The following ANTXR1 variants were observed in gnomAD, a reference collection of about 807,000 sequenced individuals.
ANTXR1 encodes anthrax toxin receptor 1.
Under a neutral mutation model 78.1 loss-of-function variants are expected in ANTXR1, and 19 were observed. The ratio of observed to expected loss-of-function variants is 0.24; its 90% confidence interval spans 0.17 to 0.36. The LOEUF is 0.36. ANTXR1 is among the 10% of genes least tolerant of loss of function. The probability of loss-of-function intolerance (pLI) is 1.00; values close to 1 mark genes in which losing one functional copy is unlikely to be tolerated. For synonymous variants in ANTXR1, 273 were observed against 260.5 expected (o/e 1.05, Z -0.46); for missense variants, 518 against 718.6 (o/e 0.72, Z 3.19).
Position 69,181,789 on chromosome 2 carries a change from G to A in ANTXR1, c.1093G>A (p.Glu365Lys). ...PPPPAEESEEEDDDGLPKKKW... is the reference protein window; with the variant it reads ...PPPPAEESEEKDDDGLPKKKW... ...ATGTGCCACAATTTCTCTGCAGGAA[G>A]AAGATGATGATGGTCTGCCTAAGAA... Residue 365 changes from glutamate to lysine, a missense_variant, in exon 15 of 18, where the codon GAA (glutamate) becomes AAA (lysine). Glu to Lys is a moderately conservative substitution (Grantham distance 56). Coordinates refer to ENST00000303714, the MANE Select transcript of ANTXR1 (RefSeq NM_032208.3). The A allele has an allele frequency of 1.2e-6, 2 of 1,614,122 alleles. No homozygotes were observed. The highest frequency in any genetic ancestry group is 1.1e-5 in the South Asian group (1 of 91,082).
At chr2:69,136,307 A>G (rs1230375138) in intron 12 of ANTXR1, among the ~76,000 whole-genome samples, 1 of 152,208 alleles carries the variant, frequency 6.6e-6, no homozygotes, top group Admixed American at 6.5e-5. Flanking sequence ...TACTGTATAT[A>G]GGAAATCTGC....
intron 12 of ANTXR1, among the ~76,000 whole-genome samples, chr2:69,125,047 C>T (rs1363560752): frequency 1.3e-5 from 2 of 152,060 alleles, no homozygotes; most frequent in African/African-American, 4.8e-5. Flanking sequence ...TAAAGGGATG[C>T]AGGAAAATGG....
At chr2:69,084,483 G>A (rs1188157937) in intron 8 of ANTXR1, among the ~76,000 whole-genome samples, 1 of 151,916 alleles carries the variant, frequency 6.6e-6, no homozygotes, top group African/African-American at 2.4e-5. Flanking sequence ...GTGTTTTGTT[G>A]CATGTAAGCG....
intron 1 of ANTXR1, among the ~76,000 whole-genome samples, chr2:69,035,307 G>A (rs1176404635): frequency 6.6e-6 from 1 of 152,118 alleles, no homozygotes; most frequent in African/African-American, 2.4e-5. Context: ...AGAAATATAA[G>A]CAGTACCCCC....
chr2:69,235,278 C>T (rs1675728052), intron 17 of ANTXR1, among the ~76,000 whole-genome samples: 1 of 152,048 alleles, frequency 6.6e-6, no homozygotes, highest in Admixed American at 6.5e-5. Context: ...CCATCTTGGC[C>T]TCCCAAAGTG....
chr2:69,086,021 G>A (rs1424929166), intron 8 of ANTXR1, among the ~76,000 whole-genome samples: 1 of 152,170 alleles, frequency 6.6e-6, no homozygotes, highest in East Asian at 1.9e-4. Flanking sequence ...CAAGGAACAT[G>A]CTCTGAAAGA....
chr2:69,106,145 A>C (rs1195871751), intron 10 of ANTXR1, among the ~76,000 whole-genome samples: 2 of 152,260 alleles, frequency 1.3e-5, no homozygotes, highest in African/African-American at 4.8e-5. Context: ...ATAAAATGCC[A>C]ATATATTAAT....
chr2:69,160,033 C>T (rs1295276852), intron 13 of ANTXR1, among the ~76,000 whole-genome samples: 1 of 152,244 alleles, frequency 6.6e-6, no homozygotes, highest in Non-Finnish European at 1.5e-5. Flanking sequence ...AATAAAAACA[C>T]AACTGGGACA....
At chr2:69,043,248 A>C (rs1417345483) in intron 2 of ANTXR1, among the ~76,000 whole-genome samples, 1 of 152,112 alleles carries the variant, frequency 6.6e-6, no homozygotes, top group Admixed American at 6.5e-5. Flanking sequence ...TTCATCTTTC[A>C]GGGCCTCAAT....
chr2:69,185,550 A>G lies in ANTXR1; in HGVS notation c.1353+2890A>G, dbSNP rs1444005479. ...GCAAGACTCTATCTCAAATAAAAAA[A>G]GAAAAAAAAAAAAAAAAGAAGAAGA... On this transcript the variant is annotated intron_variant, in intron 16 of 17. Coordinates refer to ENST00000303714, the MANE Select transcript of ANTXR1 (RefSeq NM_032208.3). Among the ~76,000 whole-genome samples the G allele has an allele frequency of 6.0e-5, 9 of 150,174 alleles. No individual in the cohort carries two copies. The East Asian group carries it at 1.6e-3, about 26-fold the overall frequency.
At chr2:69,069,078 T>A (rs1167745726) in intron 3 of ANTXR1, among the ~76,000 whole-genome samples, 1 of 152,154 alleles carries the variant, frequency 6.6e-6, no homozygotes, top group Non-Finnish European at 1.5e-5. Context: ...CTATGAAGCA[T>A]CAGCAGCCCA....
At chr2:69,045,740 T>A (rs1055988556) in intron 3 of ANTXR1, among the ~76,000 whole-genome samples, 1 of 152,176 alleles carries the variant, frequency 6.6e-6, no homozygotes, top group Non-Finnish European at 1.5e-5. Flanking sequence ...TTGTTAGGAT[T>A]TGTAACAGAA....
In ANTXR1 at chr2:69,039,623, G is replaced by A. The variant is rs1024006783; in HGVS notation, c.153-421G>A. ...TACAAATGAAGTTGGACTCTTTGGG[G>A]AGGGGATGTGTTTATCGTGTGTGCT... On this transcript the variant is annotated intron_variant, in intron 1 of 17. Transcript: ENST00000303714. Among the ~76,000 whole-genome samples the A allele has an allele frequency of 1.3e-5, 2 of 152,168 alleles. 1 individual carries two copies. Among genetic ancestry groups the A allele is most frequent in the South Asian group, 4.1e-4 (2 of 4,822 alleles).
At chr2:69,026,046 A>G (rs1671333682) in intron 1 of ANTXR1, among the ~76,000 whole-genome samples, 1 of 152,214 alleles carries the variant, frequency 6.6e-6, no homozygotes, top group South Asian at 2.1e-4. Flanking sequence ...TCTTTTCTGG[A>G]ATCCTCACTC....
At chr2:69,043,246 T>G (rs2104084414) in intron 2 of ANTXR1, among the ~76,000 whole-genome samples, 2 of 152,294 alleles carry the variant, frequency 1.3e-5, no homozygotes, top group South Asian at 4.2e-4. Context: ...GTTTCATCTT[T>G]CAGGGCCTCA....
intron 13 of ANTXR1, among the ~76,000 whole-genome samples, chr2:69,167,781 G>A (rs1190183484): frequency 1.3e-5 from 2 of 152,132 alleles, no homozygotes; most frequent in African/African-American, 2.4e-5. Context: ...TTTTCCAGAA[G>A]CTCAGGTGCC....
At chr2:69,215,902 AC>A (rs1675162604) in intron 17 of ANTXR1, among the ~76,000 whole-genome samples, 1 of 152,236 alleles carries the variant, frequency 6.6e-6, no homozygotes, top group African/African-American at 2.4e-5. Context: ...TTTTTTAACA[AC>A]AAAGATATCA....
intron 1 of ANTXR1, among the ~76,000 whole-genome samples, chr2:69,014,172 CTGAG>C (rs1670954792): frequency 1.3e-5 from 2 of 152,296 alleles, no homozygotes; most frequent in South Asian, 4.1e-4. Flanking sequence ...TCACCGGGCA[CTGAG>C]TGAGAATGAA....
intron 17 of ANTXR1, among the ~76,000 whole-genome samples, chr2:69,218,757 C>G (rs1675241046): frequency 6.6e-6 from 1 of 152,108 alleles, no homozygotes; most frequent in Non-Finnish European, 1.5e-5. Context: ...GAAACCCAGC[C>G]CAGAGTATGT....
Sources: gnomAD v4.1 joint callset for allele counts (sites outside exome capture counted in the v4.1 genomes callset) on GRCh38, gnomAD v4.1.1 for gene constraint, MANE v1.5 for transcripts, NCBI Gene and HGNC (gene_info 2026-07-23, HGNC 2026-07-21) for gene names.